The following NSRP1 variants were observed in gnomAD, a reference collection of about 807,000 sequenced individuals.
NSRP1 encodes the protein nuclear speckle splicing regulatory protein 1, also known as coiled-coil domain containing 55.
NSRP1 carries 24 observed loss-of-function variants against 54.7 expected under a neutral mutation model. That is an observed-to-expected ratio of 0.44 (90% confidence interval 0.32 to 0.62). The LOEUF (loss-of-function observed/expected upper bound fraction) is 0.62. Among genes scored for constraint, NSRP1 ranks in the 20% least tolerant of loss-of-function variants. The pLI is 0.06. For missense variants in NSRP1, 596 were observed against 651.2 expected (o/e 0.92, Z 0.92); for synonymous variants, 210 against 213.8 (o/e 0.98, Z 0.15).
At chr17:30,167,482 G>T (rs911404059) in intron 2 of NSRP1, among the ~76,000 whole-genome samples, 12 of 151,596 alleles carry the variant, frequency 7.9e-5, no homozygotes, top group African/African-American at 2.9e-4. Context: ...GGTGGTGTGC[G>T]CCTGTATTCC....
intron 1 of NSRP1, chr17:30,117,394 G>C: frequency 2.2e-6 from 1 of 465,002 alleles, no homozygotes; most frequent in Non-Finnish European, 3.8e-6. Context: ...GTACGTACTT[G>C]AAAGTTTTAC....
At chr17:30,116,987 A>T in intron 1 of NSRP1, 124 bp downstream of exon 1, 1 of 1,257,152 alleles carries the variant, frequency 8.0e-7, no homozygotes, top group Non-Finnish European at 1.1e-6. Flanking sequence ...AGAGACGGGA[A>T]AAAACGAGAA....
intron 2 of NSRP1, among the ~76,000 whole-genome samples, chr17:30,128,972 C>T (rs1205693417): frequency 6.7e-6 from 1 of 149,600 alleles, no homozygotes; most frequent in Non-Finnish European, 1.5e-5. Context: ...TGCCCAGGCT[C>T]ATTTTGAACT....
At chr17:30,176,000 A>AC (rs61542606) in intron 3 of NSRP1, among the ~76,000 whole-genome samples, 313 of 145,014 alleles carry the variant, frequency 2.2e-3, no homozygotes, top group South Asian at 0.011. Flanking sequence ...AAGACTCCGA[A>AC]CCCCCCCCCC....
At chr17:30,179,318 A>G (rs1203057304) in intron 5 of NSRP1, 21 bp downstream of exon 5, 10 of 1,551,686 alleles carry the variant, frequency 6.4e-6, no homozygotes, top group Non-Finnish European at 8.7e-6. Flanking sequence ...AGAGTGGGAA[A>G]GGCACAAGGA....
At chr17:30,165,460 T>A (rs1314757635) in intron 2 of NSRP1, among the ~76,000 whole-genome samples, 1 of 152,192 alleles carries the variant, frequency 6.6e-6, no homozygotes, top group Non-Finnish European at 1.5e-5. Flanking sequence ...AACTGTACAT[T>A]TCTTTGAAGT....
rs183437975 is a variant in NSRP1, at chr17:30,147,286, G to A, written c.115-25256G>A. Among the ~76,000 whole-genome samples the A allele has an allele frequency of 4.6e-5, 7 of 151,342 alleles. No homozygotes were observed. In the East Asian group the frequency reaches 1.4e-3, roughly 30 times the overall value. On this transcript the variant is annotated intron_variant, in intron 2 of 6. Transcript: ENST00000247026. ...TGGGATTACAGGCCTCCGCCACCAT[G>A]CCCCAGCTAATTTTTGTATTTTTAG...
intron 2 of NSRP1, among the ~76,000 whole-genome samples, chr17:30,161,711 C>T (rs1362672151): frequency 6.6e-6 from 1 of 152,050 alleles, no homozygotes; most frequent in African/African-American, 2.4e-5. Flanking sequence ...CATTCAGATC[C>T]TTTTGGATAG....
chr17:30,131,451 A>C (rs2071698906), intron 2 of NSRP1, among the ~76,000 whole-genome samples: 1 of 152,182 alleles, frequency 6.6e-6, no homozygotes, highest in Admixed American at 6.5e-5. Context: ...TAAATATCTC[A>C]GTAAAGCAAG....
At chr17:30,154,781 G>T (rs1202631542) in intron 2 of NSRP1, among the ~76,000 whole-genome samples, 1 of 151,928 alleles carries the variant, frequency 6.6e-6, no homozygotes, top group Non-Finnish European at 1.5e-5. Flanking sequence ...TCAGATTTCA[G>T]ATTTTTTCAG....
intron 4 of NSRP1, 57 bp downstream of exon 4, chr17:30,178,256 A>G (rs1183476655): frequency 6.4e-7 from 1 of 1,553,432 alleles, no homozygotes; most frequent in African/African-American, 1.4e-5. Flanking sequence ...TTGTGTCTTA[A>G]TCTTATTTTA....
chr17:30,180,964 A>T lies in NSRP1; in HGVS notation c.565A>T (p.Asn189Tyr). Residue 189 changes from asparagine (N) to tyrosine (Y), a missense_variant, in exon 6 of 7, where the codon AAT (asparagine) becomes TAT (tyrosine). Transcript: ENST00000247026. The part of the protein sequence containing the change: ...DLSGFYRHLL[N>Y]QAVGEEEVPK... Reference sequence around the variant, plus strand: ...CAGTGGATTTTATAGGCACCTATTAAATCAAGCAGTTGGTGAAGAGGAAGT... The same window carrying T: ...CAGTGGATTTTATAGGCACCTATTATATCAAGCAGTTGGTGAAGAGGAAGT... The T allele has an allele frequency of 6.2e-7, 1 of 1,613,894 alleles. No individual in the cohort carries two copies. The highest frequency in any genetic ancestry group is 8.5e-7 in the Non-Finnish European group (1 of 1,179,836).
At chr17:30,127,358 C>A (rs990526514) in intron 2 of NSRP1, among the ~76,000 whole-genome samples, 7 of 152,144 alleles carry the variant, frequency 4.6e-5, no homozygotes, top group African/African-American at 9.7e-5. Flanking sequence ...CTTGTGAAAT[C>A]TAGTTTTGTA....
intron 2 of NSRP1, among the ~76,000 whole-genome samples, chr17:30,126,981 TGCAGGG>T (rs2071655481): frequency 6.6e-6 from 1 of 152,210 alleles, no homozygotes. Flanking sequence ...TTTTAGGCCT[TGCAGGG>T]CAACTGTACA....
intron 2 of NSRP1, among the ~76,000 whole-genome samples, chr17:30,151,532 A>T (rs1008722192): frequency 6.6e-6 from 1 of 152,208 alleles, no homozygotes. Context: ...GTAGAAGTGG[A>T]TCATCATAAA....
intron 6 of NSRP1, among the ~76,000 whole-genome samples, chr17:30,181,748 C>CTA (rs1401693582): frequency 4.0e-5 from 6 of 151,752 alleles, no homozygotes; most frequent in Admixed American, 1.3e-4. Flanking sequence ...GTAGCTGGGA[C>CTA]TATAGGTGCA....
At chr17:30,151,317 A>G (rs1567797684) in intron 2 of NSRP1, among the ~76,000 whole-genome samples, 1 of 152,156 alleles carries the variant, frequency 6.6e-6, no homozygotes. Context: ...AGAGCTACCA[A>G]CACCCGTGCA....
intron 6 of NSRP1, among the ~76,000 whole-genome samples, chr17:30,182,607 A>C (rs1489571207): frequency 6.6e-6 from 1 of 151,940 alleles, no homozygotes; most frequent in African/African-American, 2.4e-5. Flanking sequence ...GCGCCACTGC[A>C]CTCCAACCTG....
chr17:30,131,087 A>G (rs4429345), intron 2 of NSRP1, among the ~76,000 whole-genome samples: 62,725 of 152,068 alleles, frequency 0.41, 14,423 homozygotes, highest in East Asian at 0.82. Context: ...GTAGAGCAGG[A>G]TAAGGAAAAT....
Sources: allele counts gnomAD v4.1 joint callset (sites outside exome capture counted in the v4.1 genomes callset), GRCh38; gene constraint gnomAD v4.1.1; transcripts MANE v1.5; gene names NCBI Gene and HGNC (gene_info 2026-07-23, HGNC 2026-07-21).